Variants in ZNF398 observed in about 807,000 individuals in gnomAD.
ZNF398 encodes the protein zinc finger protein 398, also known as zinc finger DNA binding protein ZER6.
ZNF398 carries 18 observed loss-of-function variants against 41.9 expected under a neutral mutation model. The ratio of observed to expected loss-of-function variants is 0.43; its 90% CI spans 0.30 to 0.64. The LOEUF (loss-of-function observed/expected upper bound fraction) is 0.64. Among genes scored for constraint, ZNF398 ranks in the 30% least tolerant of loss-of-function variants. ZNF398 has a pLI of 0.14. For synonymous variants in ZNF398, 260 were observed against 308.8 expected, an observed-to-expected ratio of 0.84 and a Z score of 1.66; for missense variants, 669 against 822.8, an observed-to-expected ratio of 0.81 and a Z score of 2.29.
At chr7:149,136,329 G>T (rs1300477946) in intron 2 of ZNF398, among the ~76,000 whole-genome samples, 1 of 152,112 alleles carries the variant, frequency 6.6e-6, no homozygotes, top group Non-Finnish European at 1.5e-5. Flanking sequence ...CCGAGCAGAG[G>T]CACTCCTCAC....
At chr7:149,157,961 G>A (rs1402345836) in intron 2 of ZNF398, among the ~76,000 whole-genome samples, 2 of 151,244 alleles carry the variant, frequency 1.3e-5, no homozygotes, top group South Asian at 2.1e-4. Flanking sequence ...TGTAGTCCCT[G>A]CCTGTAGCTA....
chr7:149,158,783 G>A (rs1398292996), intron 2 of ZNF398, among the ~76,000 whole-genome samples: 5 of 148,504 alleles, frequency 3.4e-5, no homozygotes, highest in South Asian at 2.1e-4. Flanking sequence ...GCAGTGAGCC[G>A]AGATCATGCC....
At chr7:149,152,860 CTTTT>C (rs752636514) in intron 1 of ZNF398, among the ~76,000 whole-genome samples, 1 of 138,004 alleles carries the variant, frequency 7.2e-6, no homozygotes. Context: ...TGCCCAGCCT[CTTTT>C]TTTTTTTTTT....
At chr7:149,149,372 T>C (rs955988142) in intron 1 of ZNF398, among the ~76,000 whole-genome samples, 24 of 152,164 alleles carry the variant, frequency 1.6e-4, no homozygotes, top group African/African-American at 5.8e-4. Context: ...TAGCTGGGAC[T>C]ACAGGCGCGT....
Position 149,165,142 on chromosome 7 carries a change from C to T in ZNF398, c.421-1016C>T, listed in dbSNP as rs990258469. On this transcript the variant is annotated intron_variant, in intron 2 of 5. Coordinates refer to ENST00000475153, the MANE Select transcript of ZNF398 (RefSeq NM_170686.3). ...AAGAAAATGCAGAGGAAGAAAAAAA[C>T]GAAAATTTTGACCTGGAATAGTAAA... 2.7e-5 allele frequency among the ~76,000 whole-genome samples: 4 copies of T among 150,766 alleles called. No individual in the cohort carries two copies. In the South Asian group the frequency reaches 6.3e-4, roughly 24 times the overall value.
intron 4 of ZNF398, among the ~76,000 whole-genome samples, chr7:149,170,156 A>G (rs1256428306): frequency 6.6e-6 from 1 of 152,136 alleles, no homozygotes; most frequent in Non-Finnish European, 1.5e-5. Context: ...CATATACCAC[A>G]CTGTTTGACA....
intron 2 of ZNF398, among the ~76,000 whole-genome samples, chr7:149,161,885 G>C (rs569383198): frequency 7.2e-5 from 11 of 151,822 alleles, no homozygotes; most frequent in South Asian, 2.1e-4. Context: ...TTGCAATTGG[G>C]ATGAAGAAGT....
intron 2 of ZNF398, among the ~76,000 whole-genome samples, chr7:149,135,405 A>G (rs1018548426): frequency 1.3e-4 from 20 of 149,704 alleles, no homozygotes; most frequent in Non-Finnish European, 2.2e-4. Context: ...AAAAAAAAAA[A>G]AAAAAAGAAA....
At position 149,147,653 on chromosome 7, in the gene ZNF398, C is replaced by A; in HGVS notation, c.-90C>A. 8.2e-7 allele frequency: 1 copy of A among 1,218,688 alleles called. No individual in the cohort carries two copies. The highest frequency in any genetic ancestry group is 1.0e-6 in the Non-Finnish European group (1 of 977,120). The allele number at this position is 1,218,688 out of a possible 1,614,324, so 75.5% of individuals were successfully genotyped here. A position where few individuals can be genotyped will look rare whatever the true frequency, so the allele number is the denominator to read the frequency against. ...GGGTCGGCGCCGCCTGTGGAGAGGA[C>A]CCGGCGGCCGGGCCTGCTTGGAGCC... On this transcript the variant is annotated 5_prime_UTR_variant, in exon 1 of 6. Coordinates refer to ENST00000475153, the MANE Select transcript of ZNF398 (RefSeq NM_170686.3). The surrounding 1 kb of genome is among the most constrained non-coding windows in gnomAD (Gnocchi z 5.6).
chr7:149,154,280 G>A lies in ZNF398; in HGVS notation c.360G>A (p.Leu120=). 5 of 1,614,140 alleles carry A rather than the reference G, an allele frequency of 3.1e-6. No homozygotes were observed. Among genetic ancestry groups the A allele is most frequent in the Non-Finnish European group, 4.2e-6 (5 of 1,180,018 alleles). Residue 120 remains leucine (L), a synonymous_variant, in exon 2 of 6, where the codon CTG becomes CTA. Coordinates refer to ENST00000475153, the MANE Select transcript of ZNF398 (RefSeq NM_170686.3). ...GGCTGGAGAACTTGGAGAACCTGCT[G>A]CGCAACAGGAACTTCTGGATCCTGC... ...QRRLENLENL[L]RNRNFWILRL...
chr7:149,136,843 C>A (rs182698459), intron 2 of ZNF398, among the ~76,000 whole-genome samples: 41 of 150,958 alleles, frequency 2.7e-4, no homozygotes, highest in African/African-American at 9.2e-4. Context: ...GCTGCGATTA[C>A]AGGCGTGAGC....
rs1292991751 is a variant in ZNF398, at chr7:149,178,953, C to A, written c.1081C>A (p.Gln361Lys). ...CAGCCAAGACATGTTGCTGACCCAC[C>A]AATGTAGCCATGCTACTGAGCACCC... is the stretch of plus-strand genomic sequence containing the variant. ...NLSQDMLLTH[Q>K]CSHATEHPLP... is the part of the protein sequence containing the mutation. The change falls in exon 6 of 6, where the codon CAA (glutamine) becomes AAA (lysine). Residue 361 changes from glutamine (Q) to lysine (K), a missense_variant. This residue lies in a region of ZNF398 where 290 missense variants were observed against 292.9 expected (regional missense o/e 0.99). Transcript: ENST00000475153. 6.2e-7 allele frequency: 1 copy of A among 1,614,154 alleles called. No individual in the cohort carries two copies. Among genetic ancestry groups the A allele is most frequent in the Non-Finnish European group, 8.5e-7 (1 of 1,180,036 alleles).
intron 1 of ZNF398, among the ~76,000 whole-genome samples, chr7:149,152,849 G>A (rs1487502379): frequency 1.3e-5 from 2 of 149,300 alleles, no homozygotes; most frequent in Non-Finnish European, 3.0e-5. Context: ...GCCACCCACC[G>A]TGCCCAGCCT....
chr7:149,170,296 G>A (rs929066818), intron 4 of ZNF398, among the ~76,000 whole-genome samples: 1 of 152,110 alleles, frequency 6.6e-6, no homozygotes, highest in African/African-American at 2.4e-5. Flanking sequence ...TATGTACCTA[G>A]GCTATATAGT....
Position 149,126,489 on chromosome 7 carries a change from C to T in ZNF398, c.-778C>T, listed in dbSNP as rs144136371. The T allele has an allele frequency of 7.6e-3, 4,077 of 537,022 alleles. 28 individuals are homozygous for T. Among genetic ancestry groups the T allele is most frequent in the Non-Finnish European group, 0.011 (3,361 of 311,106 alleles). The allele number at this position is 537,022 out of a possible 1,614,324, so 33.3% of individuals were successfully genotyped here. Reference sequence around the variant, plus strand: ...CGCCGGTCTTTGAGGGACCCTTGGACTCCCGGATCTGCATGCGAGGGATGC... The same window carrying T: ...CGCCGGTCTTTGAGGGACCCTTGGATTCCCGGATCTGCATGCGAGGGATGC... On this transcript the variant is annotated 5_prime_UTR_variant, in exon 1 of 7. Coordinates refer to the ZNF398 transcript ENST00000426851.
chr7:149,153,018 C>T (rs1395697864), intron 1 of ZNF398, among the ~76,000 whole-genome samples: 1 of 151,874 alleles, frequency 6.6e-6, no homozygotes, highest in Non-Finnish European at 1.5e-5. Context: ...GCACCATCAC[C>T]CGGCTAATTT....
At chr7:149,158,063 C>G (rs1795024187) in intron 2 of ZNF398, among the ~76,000 whole-genome samples, 1 of 151,838 alleles carries the variant, frequency 6.6e-6, no homozygotes, top group South Asian at 2.1e-4. Flanking sequence ...GTCTGGGCAA[C>G]AGAGCAAGAC....
intron 2 of ZNF398, among the ~76,000 whole-genome samples, chr7:149,164,883 C>T (rs1333688687): frequency 1.3e-5 from 2 of 152,094 alleles, no homozygotes; most frequent in Non-Finnish European, 2.9e-5. Context: ...ATCACGAGGT[C>T]AGGAACTCGA....
In ZNF398 at chr7:149,178,757, T is replaced by C. The variant is rs140366165; in HGVS notation, c.885T>C (p.Asp295=). ...PPAAAKDAFS[D]VAFKSQQSTS... is the part of the protein sequence containing the mutation. ...CAGCAGCAAAGGATGCTTTTTCAGA[T>C]GTGGCTTTCAAAAGCCAGCAGTCTA... is the stretch of plus-strand genomic sequence containing the variant. Residue 295 remains aspartate, a synonymous_variant, in exon 6 of 6, where the codon GAT becomes GAC. Transcript: ENST00000475153. 41 of 1,614,108 alleles carry C rather than the reference T, an allele frequency of 2.5e-5. No individual in the cohort carries two copies. The African/African-American group carries it at 4.1e-4, about 16-fold the overall frequency.
Sources: allele counts gnomAD v4.1 joint callset (sites outside exome capture counted in the v4.1 genomes callset), GRCh38; gene constraint gnomAD v4.1.1; regional missense constraint gnomAD v4.1.1; non-coding constraint Gnocchi (gnomAD v3.1); transcripts MANE v1.5; gene names NCBI Gene and HGNC (gene_info 2026-07-23, HGNC 2026-07-21).